Variants in KCNAB1 observed in about 807,000 individuals in gnomAD.
KCNAB1 encodes the protein voltage-gated potassium channel subunit beta-1.
KCNAB1 carries 35 observed loss-of-function variants against 64.6 expected under a neutral mutation model. The observed-to-expected ratio is 0.54, with a 90% CI of 0.41 to 0.72. The LOEUF (loss-of-function observed/expected upper bound fraction) is 0.72. Among genes scored for constraint, KCNAB1 ranks in the 30% least tolerant of loss-of-function variants. The pLI, the probability that KCNAB1 is intolerant of heterozygous loss-of-function variation, is 0.00. For synonymous variants in KCNAB1, 177 were observed against 183.8 expected (o/e 0.96, Z 0.30); for missense variants, 401 against 512.9 (o/e 0.78, Z 2.11).
chr3:156,265,288 T>A (rs960841096), intron 1 of KCNAB1, among the ~76,000 whole-genome samples: 3 of 152,182 alleles, frequency 2.0e-5, no homozygotes, highest in African/African-American at 7.2e-5. Flanking sequence ...TTGCTTGCTA[T>A]TTTCTCCACA....
intron 1 of KCNAB1, among the ~76,000 whole-genome samples, chr3:156,355,552 G>GT (rs148659059): frequency 0.033 from 4,952 of 151,336 alleles, 260 homozygotes; most frequent in African/African-American, 0.11. Flanking sequence ...TTCATAGTGG[G>GT]TTTTTTTTTA....
At position 156,152,414 on chromosome 3, in the gene KCNAB1, C is replaced by T. The variant is rs115306088; in HGVS notation, c.275+31528C>T. Among the ~76,000 whole-genome samples, 720 of 152,280 alleles carry T rather than the reference C, an allele frequency of 4.7e-3. 6 individuals carry two copies. Among genetic ancestry groups the T allele is most frequent in the African/African-American group, 0.017 (691 of 41,544 alleles). On this transcript the variant is annotated intron_variant, in intron 1 of 13. Transcript: ENST00000490337. ...CTGAAGTGGCAGCCGAAGGAGAGGC[C>T]TGATACCAGCTGGATTCAGAGTGAC...
intron 1 of KCNAB1, among the ~76,000 whole-genome samples, chr3:156,150,786 T>C (rs1216583714): frequency 6.6e-6 from 1 of 152,134 alleles, no homozygotes; most frequent in Non-Finnish European, 1.5e-5. Context: ...TTACCTTGAT[T>C]ATGACAATGG....
At chr3:156,265,246 T>G (rs1718630319) in intron 1 of KCNAB1, among the ~76,000 whole-genome samples, 1 of 152,296 alleles carries the variant, frequency 6.6e-6, no homozygotes, top group Admixed American at 6.5e-5. Context: ...GTGAAAATAA[T>G]AACAAACCCA....
At chr3:156,275,303 TA>T (rs1267933216) in intron 1 of KCNAB1, among the ~76,000 whole-genome samples, 2 of 152,234 alleles carry the variant, frequency 1.3e-5, no homozygotes, top group Non-Finnish European at 2.9e-5. Flanking sequence ...ACTTTATTGC[TA>T]AAAAAGTGCT....
chr3:156,175,949 C>T (rs1276410418), intron 1 of KCNAB1: 28 of 981,736 alleles, frequency 2.9e-5, no homozygotes, highest in South Asian at 3.8e-5. Flanking sequence ...CCAGCATGGC[C>T]GGGCAGCTCA....
intron 1 of KCNAB1, among the ~76,000 whole-genome samples, chr3:156,139,998 T>C (rs768717891): frequency 5.9e-5 from 9 of 152,208 alleles, no homozygotes; most frequent in Admixed American, 2.6e-4. Context: ...ACTTTGTAAA[T>C]GTAGTGTATT....
intron 1 of KCNAB1, among the ~76,000 whole-genome samples, chr3:156,317,734 T>A (rs1204219718): frequency 6.6e-6 from 1 of 152,216 alleles, no homozygotes; most frequent in Non-Finnish European, 1.5e-5. Flanking sequence ...AATAATTTTT[T>A]AATGTATCCC....
chr3:156,535,627 C>T (rs1719002167), intron 13 of KCNAB1, among the ~76,000 whole-genome samples: 1 of 152,084 alleles, frequency 6.6e-6, no homozygotes, highest in Admixed American at 6.5e-5. Context: ...CTTCTTATTC[C>T]CCAAACTACT....
intron 1 of KCNAB1, among the ~76,000 whole-genome samples, chr3:156,218,801 A>AAAAAAAAAAAAAAT (rs371264941): frequency 4.5e-5 from 5 of 112,214 alleles, no homozygotes; most frequent in East Asian, 2.8e-4. Flanking sequence ...AAAAAAAAAA[A>AAAAAAAAAAAAAAT]AATAATAATA....
chr3:156,427,352 T>C (rs1273875930), intron 2 of KCNAB1, among the ~76,000 whole-genome samples: 1 of 152,108 alleles, frequency 6.6e-6, no homozygotes, highest in Non-Finnish European at 1.5e-5. Context: ...ACCCTATGAT[T>C]GTCATTGAGA....
chr3:156,459,285 T>C (rs1322086340), intron 4 of KCNAB1, among the ~76,000 whole-genome samples: 1 of 152,194 alleles, frequency 6.6e-6, no homozygotes, highest in African/African-American at 2.4e-5. Context: ...TCGTTATGTC[T>C]TCCTCTGTTT....
At chr3:156,415,759 A>G (rs541217655) in intron 1 of KCNAB1, among the ~76,000 whole-genome samples, 12 of 152,112 alleles carry the variant, frequency 7.9e-5, no homozygotes, top group African/African-American at 2.9e-4. Context: ...TCAAGGCCCC[A>G]TCGTGGGCCC....
chr3:156,416,037 T>C lies in KCNAB1; in HGVS notation c.276-5579T>C, dbSNP rs1326455116. On this transcript the variant is annotated intron_variant, in intron 1 of 13. Coordinates refer to ENST00000490337, the MANE Select transcript of KCNAB1 (RefSeq NM_172160.3). ...CCTGAGAATGGCCTGTTATTCCTCC[T>C]TTTTCACCCTCATATTCAATCAAAA... 2.0e-5 allele frequency among the ~76,000 whole-genome samples: 3 copies of C among 152,130 alleles called. No homozygotes were observed. The South Asian group carries it at 6.2e-4, about 32-fold the overall frequency.
chr3:156,404,111 TA>T (rs1435950950), intron 1 of KCNAB1, among the ~76,000 whole-genome samples: 1 of 152,210 alleles, frequency 6.6e-6, no homozygotes, highest in African/African-American at 2.4e-5. Flanking sequence ...ATTTCCCCTG[TA>T]AAAACGTGTA....
At chr3:156,421,975 G>T (rs571410897) in intron 2 of KCNAB1, among the ~76,000 whole-genome samples, 6 of 152,084 alleles carry the variant, frequency 3.9e-5, no homozygotes, top group African/African-American at 1.4e-4. Flanking sequence ...GCATTTTATA[G>T]GTTCAGTTCA....
At chr3:156,249,144 A>G (rs1200772929) in intron 1 of KCNAB1, among the ~76,000 whole-genome samples, 1 of 152,140 alleles carries the variant, frequency 6.6e-6, no homozygotes, top group East Asian at 1.9e-4. Flanking sequence ...GAAAAGTGCT[A>G]TGGAGAAAAA....
chr3:156,153,490 G>A (rs1372290358), intron 1 of KCNAB1, among the ~76,000 whole-genome samples: 2 of 152,168 alleles, frequency 1.3e-5, no homozygotes, highest in Non-Finnish European at 2.9e-5. Context: ...TGGGCCACAG[G>A]GTGCCCAGAC....
chr3:156,458,368 C>G (rs1712619457), intron 4 of KCNAB1, among the ~76,000 whole-genome samples: 1 of 152,224 alleles, frequency 6.6e-6, no homozygotes, highest in African/African-American at 2.4e-5. Flanking sequence ...ATGTCCAGCT[C>G]TCAGAACCAA....
Sources: gnomAD v4.1 joint callset for allele counts (sites outside exome capture counted in the v4.1 genomes callset) on GRCh38, gnomAD v4.1.1 for gene constraint, MANE v1.5 for transcripts, NCBI Gene and HGNC (gene_info 2026-07-23, HGNC 2026-07-21) for gene names.